Variants in SPOCK1 observed in about 807,000 individuals in gnomAD.
The protein encoded by SPOCK1 is SPARC (osteonectin), cwcv and kazal like domains proteoglycan 1.
SPOCK1 carries 23 observed loss-of-function variants against 55.3 expected under a neutral mutation model. That is an observed-to-expected ratio of 0.42 (90% CI 0.30 to 0.59). SPOCK1 has a LOEUF of 0.59. Among genes scored for constraint, SPOCK1 ranks in the 20% least tolerant of loss-of-function variants. SPOCK1 has a pLI of 0.22. For synonymous variants in SPOCK1, 226 were observed against 221.0 expected (o/e 1.02, Z -0.20); for missense variants, 499 against 552.5 (o/e 0.90, Z 0.97).
intron 4 of SPOCK1, among the ~76,000 whole-genome samples, chr5:137,137,532 T>A (rs903405260): frequency 2.6e-5 from 4 of 152,334 alleles, no homozygotes; most frequent in Middle Eastern, 3.4e-3. Context: ...AGGGACTTCC[T>A]GGACCAGGCC....
chr5:136,988,526 T>C lies in SPOCK1; in HGVS notation c.824A>G (p.Asp275Gly). 2 of 1,614,166 alleles carry C rather than the reference T, an allele frequency of 1.2e-6. No individual in the cohort carries two copies. The highest frequency in any genetic ancestry group is 1.7e-6 in the Non-Finnish European group (2 of 1,180,004). Reference sequence around the variant, plus strand: ...AGGCTTGATACAGGGCTCGTACTTATCCAGGTAGATGGCATTGATCTCTGA... The same window carrying C: ...AGGCTTGATACAGGGCTCGTACTTACCCAGGTAGATGGCATTGATCTCTGA... The part of the protein sequence containing the change: ...DPSEINAIYL[D>G]KYEPCIKPLF... The change falls in exon 8 of 11, where the codon GAT becomes GGT. Residue 275 changes from aspartate to glycine, a missense_variant. By Grantham distance (94) the Asp-to-Gly change is moderately conservative. This residue lies in a region of SPOCK1 where 386 missense variants were observed against 400.6 expected (regional missense o/e 0.96). Transcript: ENST00000394945.
chr5:137,106,935 T>C (rs189955685), intron 5 of SPOCK1, among the ~76,000 whole-genome samples: 302 of 152,236 alleles, frequency 2.0e-3, no homozygotes, highest in African/African-American at 6.5e-3. Flanking sequence ...GGTGCCATGC[T>C]TTCTCTCACC....
intron 2 of SPOCK1, among the ~76,000 whole-genome samples, chr5:137,388,225 T>G (rs535200305): frequency 6.6e-6 from 1 of 152,330 alleles, no homozygotes; most frequent in African/African-American, 2.4e-5. Flanking sequence ...ATTTACTGAG[T>G]GGATGAGAGT....
At position 137,403,601 on chromosome 5, in the gene SPOCK1, C is replaced by T. The variant is rs902275763; in HGVS notation, c.186+94772G>A. Among the ~76,000 whole-genome samples the T allele has an allele frequency of 2.1e-4, 32 of 151,824 alleles. 1 individual carries two copies. The highest frequency in any genetic ancestry group is 1.8e-3 in the Admixed American group (27 of 15,248). On this transcript the variant is annotated intron_variant, in intron 2 of 10. Transcript: ENST00000394945. ...GAAAAATGCAGGCGGTAGGGTGTGG[C>T]CAGGTTGTAGTAATAAATGGGATGG...
chr5:137,042,470 A>C (rs62387885), intron 6 of SPOCK1, among the ~76,000 whole-genome samples: 2,471 of 152,306 alleles, frequency 0.016, 40 homozygotes, highest in Non-Finnish European at 0.022. Flanking sequence ...TTAAAAAATC[A>C]TTTAGGAGGC....
intron 2 of SPOCK1, among the ~76,000 whole-genome samples, chr5:137,353,159 C>A (rs1022130983): frequency 6.6e-6 from 1 of 152,108 alleles, no homozygotes; most frequent in Admixed American, 6.6e-5. Flanking sequence ...GTGGGCGGAT[C>A]GATAGAGCCC....
chr5:137,496,328 G>T (rs576202841), intron 2 of SPOCK1, among the ~76,000 whole-genome samples: 14 of 152,222 alleles, frequency 9.2e-5, no homozygotes, highest in African/African-American at 3.1e-4. Flanking sequence ...AATAAAGATG[G>T]GAAATGAACA....
chr5:137,067,618 A>C, intron 6 of SPOCK1, 97 bp downstream of exon 6: 1 of 1,017,002 alleles, frequency 9.8e-7, no homozygotes, highest in Non-Finnish European at 1.5e-6. Flanking sequence ...TCATTTCTCC[A>C]GTTTGTTCCT....
intron 5 of SPOCK1, among the ~76,000 whole-genome samples, chr5:137,102,510 C>T (rs966479168): frequency 1.3e-5 from 2 of 152,152 alleles, no homozygotes; most frequent in Admixed American, 1.3e-4. Context: ...GGCCTGGCTA[C>T]CCCAATATGC....
At chr5:137,206,131 C>G (rs991058785) in intron 3 of SPOCK1, among the ~76,000 whole-genome samples, 9 of 152,228 alleles carry the variant, frequency 5.9e-5, no homozygotes, top group African/African-American at 2.2e-4. Flanking sequence ...GAACCATTAG[C>G]TGTGCTCAAA....
At chr5:137,043,387 C>A (rs1243907645) in intron 6 of SPOCK1, among the ~76,000 whole-genome samples, 3 of 151,854 alleles carry the variant, frequency 2.0e-5, no homozygotes, top group Non-Finnish European at 4.4e-5. Context: ...GACACTCTAC[C>A]CTGAAGCATC....
chr5:137,294,051 C>T (rs1463311609), intron 2 of SPOCK1, among the ~76,000 whole-genome samples: 1 of 152,120 alleles, frequency 6.6e-6, no homozygotes, highest in African/African-American at 2.4e-5. Flanking sequence ...TTCTGCACTG[C>T]CCAAAACAGT....
At chr5:136,997,732 T>C (rs567614278) in intron 6 of SPOCK1, among the ~76,000 whole-genome samples, 1 of 152,368 alleles carries the variant, frequency 6.6e-6, no homozygotes, top group South Asian at 2.1e-4. Flanking sequence ...GACATTTTCT[T>C]AGAGGACTTC....
chr5:137,417,480 A>T (rs1158629534), intron 2 of SPOCK1, among the ~76,000 whole-genome samples: 1 of 152,068 alleles, frequency 6.6e-6, no homozygotes, highest in Non-Finnish European at 1.5e-5. Context: ...AAGATATTAT[A>T]GGACATTTCC....
chr5:137,237,303 C>A (rs1395605230), intron 3 of SPOCK1, among the ~76,000 whole-genome samples: 1 of 152,112 alleles, frequency 6.6e-6, no homozygotes, highest in Admixed American at 6.5e-5. Context: ...GCAGTGTGTG[C>A]CTCTCTGAGA....
At chr5:137,017,743 A>G (rs1026047804) in intron 6 of SPOCK1, among the ~76,000 whole-genome samples, 1 of 152,244 alleles carries the variant, frequency 6.6e-6, no homozygotes, top group Non-Finnish European at 1.5e-5. Flanking sequence ...AACAATTAAC[A>G]GTACCAATTA....
rs368551068 is a variant in SPOCK1, at chr5:137,126,642, A to G, written c.347+13938T>C. 4.6e-5 allele frequency among the ~76,000 whole-genome samples: 7 copies of G among 152,104 alleles called. No homozygotes were observed. The East Asian group carries it at 1.3e-3, about 29-fold the overall frequency. ...CCAGGCATGGTGGTGCATGCCTGTAATCCAAGCTACTCGGGAGGCTGAGGC... is the reference window on the plus strand; with the variant it reads ...CCAGGCATGGTGGTGCATGCCTGTAGTCCAAGCTACTCGGGAGGCTGAGGC... On this transcript the variant is annotated intron_variant, in intron 4 of 10. Coordinates refer to ENST00000394945, the MANE Select transcript of SPOCK1 (RefSeq NM_004598.4).
At chr5:137,040,699 TTTG>T (rs1300413846) in intron 6 of SPOCK1, among the ~76,000 whole-genome samples, 3 of 152,218 alleles carry the variant, frequency 2.0e-5, no homozygotes, top group Admixed American at 6.5e-5. Flanking sequence ...CTAAAACTTT[TTTG>T]TTGTTGTTGT....
At chr5:137,348,859 A>G (rs547363732) in intron 2 of SPOCK1, among the ~76,000 whole-genome samples, 1 of 152,252 alleles carries the variant, frequency 6.6e-6, no homozygotes, top group South Asian at 2.1e-4. Context: ...ACTGAATGGG[A>G]AAAATAGAGG....
Sources: gnomAD v4.1 joint callset for allele counts (sites outside exome capture counted in the v4.1 genomes callset) on GRCh38, gnomAD v4.1.1 for gene constraint, gnomAD v4.1.1 regional missense constraint, MANE v1.5 for transcripts, NCBI Gene and HGNC (gene_info 2026-07-23, HGNC 2026-07-21) for gene names.